Variants in HOMER1 observed in about 807,000 individuals in gnomAD.
HOMER1 encodes the protein homer scaffold protein 1, also known as homer protein homolog 1.
In HOMER1, 3 loss-of-function variants were observed where a neutral mutation model predicts 48.9. That is an observed-to-expected ratio of 0.06 (90% confidence interval 0.03 to 0.16). The LOEUF (loss-of-function observed/expected upper bound fraction) is 0.16, where lower values mean the gene tolerates loss of function less well. Ranked by LOEUF, HOMER1 falls within the 10% of genes least tolerant of loss-of-function variation. The pLI is 1.00. For synonymous variants in HOMER1, 134 were observed against 146.4 expected, an observed-to-expected ratio of 0.92 and a Z score of 0.61; for missense variants, 247 against 411.4, an observed-to-expected ratio of 0.60 and a Z score of 3.46.
intron 5 of HOMER1, among the ~76,000 whole-genome samples, chr5:79,435,422 A>G (rs1004344729): frequency 1.4e-4 from 21 of 152,190 alleles, no homozygotes; most frequent in African/African-American, 4.6e-4. Context: ...GCACATAGAC[A>G]TTCTAGTGAT....
intron 1 of HOMER1, among the ~76,000 whole-genome samples, chr5:79,480,671 G>T (rs1163173421): frequency 1.3e-5 from 2 of 152,044 alleles, no homozygotes; most frequent in South Asian, 2.1e-4. Flanking sequence ...TTATTTCTTT[G>T]ATTAGGCCAG....
chr5:79,383,634 T>C (rs969892902), intron 8 of HOMER1, among the ~76,000 whole-genome samples: 10 of 152,110 alleles, frequency 6.6e-5, no homozygotes, highest in Non-Finnish European at 1.2e-4. Context: ...TCTGCCCACC[T>C]TGGCCTCTCA....
chr5:79,415,033 G>GA (rs942162895), intron 5 of HOMER1, among the ~76,000 whole-genome samples: 1 of 152,024 alleles, frequency 6.6e-6, no homozygotes, highest in African/African-American at 2.4e-5. Flanking sequence ...GAAAATCCCA[G>GA]AAATAAAAGT....
intron 1 of HOMER1, among the ~76,000 whole-genome samples, chr5:79,471,856 C>G (rs1263550475): frequency 6.6e-6 from 1 of 152,182 alleles, no homozygotes; most frequent in Non-Finnish European, 1.5e-5. Context: ...AGGCCTTTGC[C>G]TGGAGTGCTC....
chr5:79,508,510 G>T lies in HOMER1; in HGVS notation c.5+4260C>A, dbSNP rs563948796. Among the ~76,000 whole-genome samples, 3 of 152,222 alleles carry T rather than the reference G, an allele frequency of 2.0e-5. No homozygotes were observed. The South Asian group carries it at 6.2e-4, about 32-fold the overall frequency. On this transcript the variant is annotated intron_variant, in intron 1 of 8. Transcript: ENST00000334082. ...CTCCAACCCAGTCCCTGCATAATAA[G>T]GCTCTAGACCTATCTCTTGCTACAC...
chr5:79,487,844 A>G (rs540558005), intron 1 of HOMER1, among the ~76,000 whole-genome samples: 2 of 152,346 alleles, frequency 1.3e-5, no homozygotes, highest in African/African-American at 4.8e-5. Flanking sequence ...ATTTCTTAGT[A>G]ATACACAGTC....
intron 8 of HOMER1, among the ~76,000 whole-genome samples, chr5:79,387,334 G>A (rs1439037242): frequency 1.3e-5 from 2 of 151,946 alleles, no homozygotes; most frequent in East Asian, 1.9e-4. Context: ...CTACTATGTT[G>A]CCCAGGCTAG....
intron 8 of HOMER1, among the ~76,000 whole-genome samples, chr5:79,392,926 C>T (rs182800031): frequency 1.6e-4 from 23 of 142,032 alleles, no homozygotes; most frequent in Non-Finnish European, 2.9e-4. Flanking sequence ...CACTGTCTTA[C>T]GAGGGAGGGA....
intron 1 of HOMER1, among the ~76,000 whole-genome samples, chr5:79,491,791 A>G (rs1169412877): frequency 6.6e-6 from 1 of 152,234 alleles, no homozygotes; most frequent in Non-Finnish European, 1.5e-5. Context: ...TACTATGTGA[A>G]ATAAACACTT....
chr5:79,421,150 G>T (rs1750086717), intron 5 of HOMER1, among the ~76,000 whole-genome samples: 1 of 152,046 alleles, frequency 6.6e-6, no homozygotes, highest in Admixed American at 6.6e-5. Context: ...AACTATTTTT[G>T]AACTATTAGG....
intron 5 of HOMER1, among the ~76,000 whole-genome samples, chr5:79,426,531 A>G (rs6453448): frequency 0.62 from 94,397 of 151,824 alleles, 32,120 homozygotes; most frequent in East Asian, 0.99. Context: ...TATGTTAAAT[A>G]AAATAAGCCA....
At chr5:79,395,657 T>C (rs1749364449) in intron 8 of HOMER1, among the ~76,000 whole-genome samples, 1 of 152,230 alleles carries the variant, frequency 6.6e-6, no homozygotes, top group African/African-American at 2.4e-5. Context: ...GAAGGATTAT[T>C]ATGAAGGGGT....
At chr5:79,483,405 G>A (rs1478108942) in intron 1 of HOMER1, among the ~76,000 whole-genome samples, 2 of 151,986 alleles carry the variant, frequency 1.3e-5, no homozygotes, top group African/African-American at 4.8e-5. Flanking sequence ...GAACTACATA[G>A]AGGTGATGGT....
intron 4 of HOMER1, among the ~76,000 whole-genome samples, chr5:79,445,551 T>TTGTTATAGGTTTTACAAACCTATA (rs560312522): frequency 0.016 from 2,434 of 152,344 alleles, 59 homozygotes; most frequent in African/African-American, 0.054. Context: ...AGTAATACTT[T>TTGTTATAGGTTTTACAAACCTATA]TGTAAAACCT....
At chr5:79,415,667 A>C (rs928207123) in intron 5 of HOMER1, among the ~76,000 whole-genome samples, 7 of 152,242 alleles carry the variant, frequency 4.6e-5, no homozygotes, top group African/African-American at 1.7e-4. Flanking sequence ...TGGTAAAGAA[A>C]GTGAAACACT....
At chr5:79,481,169 T>C (rs1751933858) in intron 1 of HOMER1, among the ~76,000 whole-genome samples, 1 of 152,164 alleles carries the variant, frequency 6.6e-6, no homozygotes, top group Non-Finnish European at 1.5e-5. Context: ...AAATAAACAC[T>C]CTCATAGCAC....
intron 8 of HOMER1, among the ~76,000 whole-genome samples, chr5:79,387,075 ATCTCTCTCTCTCTC>A (rs111457551): frequency 8.8e-6 from 1 of 113,642 alleles, no homozygotes; most frequent in Non-Finnish European, 1.9e-5. Flanking sequence ...TTCTTTCTCT[ATCTCTCTCTCTCTC>A]TCTCTCTCTC....
intron 1 of HOMER1, among the ~76,000 whole-genome samples, chr5:79,496,862 C>T (rs1752435944): frequency 6.6e-6 from 1 of 151,638 alleles, no homozygotes; most frequent in Non-Finnish European, 1.5e-5. Context: ...GCCGAGAGTT[C>T]GAGACCAGCC....
intron 1 of HOMER1, among the ~76,000 whole-genome samples, chr5:79,493,526 T>C (rs1752344500): frequency 6.6e-6 from 1 of 152,134 alleles, no homozygotes; most frequent in Non-Finnish European, 1.5e-5. Flanking sequence ...CAATGAATGT[T>C]TGTTAAAGCA....
Sources: gnomAD v4.1 joint callset for allele counts (sites outside exome capture counted in the v4.1 genomes callset) on GRCh38, gnomAD v4.1.1 for gene constraint, MANE v1.5 for transcripts, NCBI Gene and HGNC (gene_info 2026-07-23, HGNC 2026-07-21) for gene names.